The following VIPR2 variants were observed in gnomAD, a reference collection of about 807,000 sequenced individuals.
The protein encoded by VIPR2 is vasoactive intestinal polypeptide receptor 2.
Under a neutral mutation model 58.0 loss-of-function variants are expected in VIPR2, and 48 were observed. That is an observed-to-expected ratio of 0.83 (90% CI 0.66 to 1.05). The LOEUF (loss-of-function observed/expected upper bound fraction) is 1.05. VIPR2 is among the 50% of genes least tolerant of loss of function. The probability of loss-of-function intolerance (pLI) is 0.00; values close to 1 mark genes in which losing one functional copy is unlikely to be tolerated. For missense variants in VIPR2, 534 were observed against 558.0 expected, an observed-to-expected ratio of 0.96 and a Z score of 0.43; for synonymous variants, 243 against 235.2, an observed-to-expected ratio of 1.03 and a Z score of -0.30.
chr7:159,075,729 C>T (rs1298261526), intron 4 of VIPR2, among the ~76,000 whole-genome samples: 2 of 149,672 alleles, frequency 1.3e-5, no homozygotes, highest in Non-Finnish European at 2.9e-5. Flanking sequence ...CCAGGGCCAG[C>T]ACCCACGGAC....
At position 159,036,011 on chromosome 7, in the gene VIPR2, G is replaced by A. The variant is rs771162731; in HGVS notation, c.750C>T (p.Gly250=). The part of the protein sequence containing the change: ...CFLAYLLIGW[G]LPTVCIGAWT... ...ATGCACCGATGCAGACGGTGGGGAG[G>A]CCTGCAGAGAGACGCCTGGTTACAC... is the stretch of plus-strand genomic sequence containing the variant. Residue 250 remains glycine, a splice_region_variant and synonymous_variant, in exon 8 of 13, where the codon GGC becomes GGT. Coordinates refer to ENST00000262178, the MANE Select transcript of VIPR2 (RefSeq NM_003382.5). 3 of 1,613,024 alleles carry A rather than the reference G, an allele frequency of 1.9e-6. No homozygotes were observed. The highest frequency in any genetic ancestry group is 2.5e-6 in the Non-Finnish European group (3 of 1,179,650).
At chr7:159,058,855 T>A (rs1855475961) in intron 4 of VIPR2, among the ~76,000 whole-genome samples, 1 of 152,198 alleles carries the variant, frequency 6.6e-6, no homozygotes, top group Admixed American at 6.5e-5. Context: ...CCCGCCACCA[T>A]CAGGGAAAGC....
intron 10 of VIPR2, among the ~76,000 whole-genome samples, chr7:159,033,295 G>A (rs1471708995): frequency 6.6e-6 from 1 of 152,106 alleles, no homozygotes; most frequent in Non-Finnish European, 1.5e-5. Context: ...TTTCTAAGGT[G>A]GGAGAAAAGG....
chr7:159,056,984 C>T (rs1855359921), intron 5 of VIPR2, among the ~76,000 whole-genome samples: 1 of 152,074 alleles, frequency 6.6e-6, no homozygotes, highest in African/African-American at 2.4e-5. Context: ...ACGAATGATG[C>T]CTACAGATGG....
intron 2 of VIPR2, among the ~76,000 whole-genome samples, chr7:159,112,262 T>C (rs1281548547): frequency 6.6e-6 from 1 of 152,108 alleles, no homozygotes; most frequent in Non-Finnish European, 1.5e-5. Flanking sequence ...GGACCGCACG[T>C]GAGGGAGCAG....
chr7:159,107,985 T>C (rs1795835980), intron 3 of VIPR2, among the ~76,000 whole-genome samples: 1 of 152,196 alleles, frequency 6.6e-6, no homozygotes, highest in Non-Finnish European at 1.5e-5. Context: ...CAATGTTTCA[T>C]TAGAATGGTG....
At chr7:159,073,871 A>G (rs1041476065) in intron 4 of VIPR2, among the ~76,000 whole-genome samples, 1 of 152,154 alleles carries the variant, frequency 6.6e-6, no homozygotes, top group Non-Finnish European at 1.5e-5. Context: ...GGAGACGTGG[A>G]ACCTTTTTTT....
intron 5 of VIPR2, among the ~76,000 whole-genome samples, chr7:159,055,377 T>C (rs1480074441): frequency 6.6e-6 from 1 of 152,218 alleles, no homozygotes; most frequent in African/African-American, 2.4e-5. Flanking sequence ...TCTGGTGCTG[T>C]GTTCGCCTGG....
chr7:159,109,802 CG>C lies in VIPR2; in HGVS notation c.259+9del. 6.2e-7 allele frequency: 1 copy of C among 1,613,420 alleles called. No homozygotes were observed. The highest frequency in any genetic ancestry group is 8.5e-7 in the Non-Finnish European group (1 of 1,179,330). The stretch of plus-strand genomic sequence containing the variant: ...TGGAGGAGCTCAGGAACTCAACCGA[CG>C]GACAGTACCTGCTTTGCTGTAAAAA... On this transcript the variant is annotated intron_variant, in intron 3 of 12. Transcript: ENST00000262178.
At chr7:159,086,165 A>T (rs1857159679) in intron 4 of VIPR2, among the ~76,000 whole-genome samples, 1 of 152,206 alleles carries the variant, frequency 6.6e-6, no homozygotes, top group Non-Finnish European at 1.5e-5. Context: ...CTGCTCTAAA[A>T]AGTCGATTAA....
At chr7:159,035,784 C>G in intron 8 of VIPR2, 168 bp downstream of exon 8, 1 of 985,470 alleles carries the variant, frequency 1.0e-6, no homozygotes. Context: ...ACTCCAACCT[C>G]ACAGGATTTC....
chr7:159,103,485 G>T (rs1858426075), intron 4 of VIPR2, among the ~76,000 whole-genome samples: 1 of 152,074 alleles, frequency 6.6e-6, no homozygotes, highest in Non-Finnish European at 1.5e-5. Flanking sequence ...CCACTCTCAG[G>T]TTCTCCTCAC....
At chr7:159,101,633 C>T (rs1367917701) in intron 4 of VIPR2, among the ~76,000 whole-genome samples, 8 of 141,514 alleles carry the variant, frequency 5.7e-5, no homozygotes, top group Non-Finnish European at 9.2e-5. Flanking sequence ...ACGGGTCTCA[C>T]GAGATCCGAC....
intron 3 of VIPR2, among the ~76,000 whole-genome samples, chr7:159,106,280 GT>G (rs1858643389): frequency 6.6e-6 from 1 of 152,288 alleles, no homozygotes; most frequent in South Asian, 2.1e-4. Context: ...ATTCTATGAA[GT>G]GCAGATTCCC....
At chr7:159,052,763 T>C (rs1360420391) in intron 5 of VIPR2, among the ~76,000 whole-genome samples, 3 of 152,188 alleles carry the variant, frequency 2.0e-5, no homozygotes, top group Non-Finnish European at 4.4e-5. Context: ...ATGTAATATT[T>C]CAAATTAAAT....
At chr7:159,117,340 T>G (rs1239133950) in intron 2 of VIPR2, 1 of 717,468 alleles carries the variant, frequency 1.4e-6, no homozygotes, top group South Asian at 1.5e-5. Flanking sequence ...AGCCAATGGG[T>G]AGGTATGTGG....
In VIPR2 at chr7:159,062,294, G is replaced by A. The variant is rs1007767471; in HGVS notation, c.358-3716C>T. Among the ~76,000 whole-genome samples the A allele has an allele frequency of 3.3e-5, 5 of 152,200 alleles. No individual in the cohort carries two copies. The South Asian group carries it at 8.3e-4, about 25-fold the overall frequency. ...CGGGCTCGGGTCTGGGGGTCCTGGC[G>A]AGGTGTTCGTAATTCGTGGGTTTTT... On this transcript the variant is annotated intron_variant, in intron 4 of 12. Transcript: ENST00000262178.
chr7:159,051,815 C>T (rs1855022885), intron 5 of VIPR2, among the ~76,000 whole-genome samples: 1 of 152,064 alleles, frequency 6.6e-6, no homozygotes, highest in Non-Finnish European at 1.5e-5. Context: ...CTCCTAATGA[C>T]ATAGCCTTAA....
chr7:159,065,166 G>A (rs972902203), intron 4 of VIPR2, among the ~76,000 whole-genome samples: 2 of 152,218 alleles, frequency 1.3e-5, no homozygotes, highest in African/African-American at 4.8e-5. Context: ...TGAGAGCTGA[G>A]AGAGAAGTGT....
Sources: gnomAD v4.1 joint callset for allele counts (sites outside exome capture counted in the v4.1 genomes callset) on GRCh38, gnomAD v4.1.1 for gene constraint, MANE v1.5 for transcripts, NCBI Gene and HGNC (gene_info 2026-07-23, HGNC 2026-07-21) for gene names.